The following RIGI variants were observed in gnomAD, a reference collection of about 807,000 sequenced individuals.
RIGI encodes RNA sensor RIG-I.
chr9:32,489,131 A>T, the RIGI span, among the ~76,000 whole-genome samples: 4 of 152,176 alleles, frequency 2.6e-5, no homozygotes, highest in Non-Finnish European at 4.4e-5. Flanking sequence ...CCTTCTCATG[A>T]AAGGTAAAGA....
chr9:32,485,280 C>T, the RIGI span: 57 of 1,559,774 alleles, frequency 3.7e-5, no homozygotes, highest in Non-Finnish European at 5.2e-6. Context: ...TTCCTGAAAA[C>T]TAGAGACGTC....
the RIGI span, chr9:32,481,429 G>C: frequency 3.1e-6 from 5 of 1,611,026 alleles, no homozygotes; most frequent in Non-Finnish European, 4.2e-6. Flanking sequence ...CATGCTTTCT[G>C]AACTGTAACA....
At chr9:32,478,217 G>T in the RIGI span, among the ~76,000 whole-genome samples, 4 of 152,096 alleles carry the variant, frequency 2.6e-5, no homozygotes, top group East Asian at 2.0e-4. Context: ...CTAATATTTT[G>T]TATCTTTAGT....
chr9:32,467,705 A>G, the RIGI span: 5 of 1,474,536 alleles, frequency 3.4e-6, no homozygotes, highest in African/African-American at 5.6e-5. Flanking sequence ...TGACACATAC[A>G]CTTATAAATC....
At chr9:32,513,027 C>T in the RIGI span, among the ~76,000 whole-genome samples, 1 of 151,880 alleles carries the variant, frequency 6.6e-6, no homozygotes, top group South Asian at 2.1e-4. Context: ...TGTGAAGGAC[C>T]TCTTCAAGGA....
At chr9:32,502,946 A>C in the RIGI span, among the ~76,000 whole-genome samples, 83,195 of 152,084 alleles carry the variant, frequency 0.55, 23,434 homozygotes, top group Middle Eastern at 0.67. Flanking sequence ...TCTGTAAAGA[A>C]ACAGTCTCCC....
At chr9:32,476,888 C>G in the RIGI span, 1 of 1,086,546 alleles carries the variant, frequency 9.2e-7, no homozygotes, top group Non-Finnish European at 1.3e-6. Context: ...TCCCAAACTT[C>G]TGGGATTACA....
chr9:32,467,643 T>C, the RIGI span: 12 of 953,568 alleles, frequency 1.3e-5, no homozygotes, highest in Non-Finnish European at 1.8e-5. Flanking sequence ...CAAAGTGCAC[T>C]GTGCCATTGG....
chr9:32,511,172 A>G, the RIGI span, among the ~76,000 whole-genome samples: 1 of 152,282 alleles, frequency 6.6e-6, no homozygotes, highest in East Asian at 1.9e-4. Context: ...TCAATAATAG[A>G]TCAACAAAAC....
At chr9:32,483,355 A>G in the RIGI span, among the ~76,000 whole-genome samples, 2 of 152,192 alleles carry the variant, frequency 1.3e-5, no homozygotes, top group Non-Finnish European at 1.5e-5. Flanking sequence ...AGATGAGCCA[A>G]CAGGTACTGA....
the RIGI span, among the ~76,000 whole-genome samples, chr9:32,524,588 GTTTTTCGGTTTTTTTTT>G: frequency 2.5e-4 from 13 of 52,630 alleles, no homozygotes; most frequent in South Asian, 7.9e-3. Flanking sequence ...ACTTTTTTTT[GTTTTTCGGTTTTTTTTT>G]TTTTTTTTTT....
chr9:32,509,414 A>G, the RIGI span, among the ~76,000 whole-genome samples: 3 of 152,188 alleles, frequency 2.0e-5, no homozygotes, highest in Non-Finnish European at 4.4e-5. Context: ...ACAGGCAGCA[A>G]TCTTTGCTGT....
At chr9:32,511,759 C>G in the RIGI span, among the ~76,000 whole-genome samples, 1 of 152,030 alleles carries the variant, frequency 6.6e-6, no homozygotes, top group African/African-American at 2.4e-5. Context: ...GATAGAGACA[C>G]AGAAAACCCT....
chr9:32,463,889 C>CTTTTTTTTTTTTTTTATTATACTCT, the RIGI span, among the ~76,000 whole-genome samples: 1 of 135,804 alleles, frequency 7.4e-6, no homozygotes, highest in African/African-American at 2.7e-5. Context: ...ATTCTGATTT[C>CTTTTTTTTTTTTTTTATTATACTCT]AAATAAACCT....
chr9:32,493,721 T>C, the RIGI span: 1 of 1,341,944 alleles, frequency 7.5e-7, no homozygotes, highest in African/African-American at 1.5e-5. Context: ...TCCCATGTTA[T>C]AATTATTTCC....
the RIGI span, among the ~76,000 whole-genome samples, chr9:32,497,992 C>T: frequency 6.6e-6 from 1 of 152,280 alleles, no homozygotes; most frequent in South Asian, 2.1e-4. Context: ...ATCATATCCC[C>T]AAAGTGGAGA....
At chr9:32,496,304 G>T in the RIGI span, among the ~76,000 whole-genome samples, 3 of 152,158 alleles carry the variant, frequency 2.0e-5, no homozygotes, top group Non-Finnish European at 4.4e-5. Flanking sequence ...ACTTGACTGG[G>T]CTTAGGGATG....
chr9:32,500,360 G>A, the RIGI span, among the ~76,000 whole-genome samples: 1 of 152,100 alleles, frequency 6.6e-6, no homozygotes, highest in South Asian at 2.1e-4. Context: ...CTATGTGCAT[G>A]GGTATGTTTT....
At chr9:32,483,699 G>GT in the RIGI span, among the ~76,000 whole-genome samples, 1 of 151,856 alleles carries the variant, frequency 6.6e-6, no homozygotes, top group African/African-American at 2.4e-5. Flanking sequence ...GCCTTTAGTG[G>GT]TCCTGCAGCC....
Sources: gnomAD v4.1 joint callset for allele counts (sites outside exome capture counted in the v4.1 genomes callset) on GRCh38, gnomAD v4.1.1 for gene constraint, MANE v1.5 for transcripts, NCBI Gene and HGNC (gene_info 2026-07-23, HGNC 2026-07-21) for gene names.